The following MYOF variants were observed in gnomAD, a reference collection of about 807,000 sequenced individuals.
The protein encoded by MYOF is fer-1-like 3, myoferlin.
In MYOF, 244 loss-of-function variants were observed where a neutral mutation model predicts 284.2. That is an observed-to-expected ratio of 0.86 (90% CI 0.77 to 0.95). MYOF has a LOEUF of 0.95. MYOF is among the 40% of genes least tolerant of loss of function. The probability of loss-of-function intolerance (pLI) is 0.00; values close to 1 mark genes in which losing one functional copy is unlikely to be tolerated. For missense variants in MYOF, 2,496 were observed against 2,560.6 expected (o/e 0.97, Z 0.54); for synonymous variants, 904 against 919.7 (o/e 0.98, Z 0.31).
intron 1 of MYOF, among the ~76,000 whole-genome samples, chr10:93,461,420 G>A (rs80008569): frequency 1.2e-4 from 19 of 152,306 alleles, no homozygotes; most frequent in Admixed American, 4.6e-4. Context: ...GTGGCTATAC[G>A]GGACTGATAG....
chr10:93,413,715 G>A (rs779579938), intron 5 of MYOF, among the ~76,000 whole-genome samples: 3 of 152,202 alleles, frequency 2.0e-5, no homozygotes, highest in Admixed American at 6.5e-5. Context: ...CTGGCTAGGC[G>A]CAGGGGCTCA....
At chr10:93,452,417 A>G (rs1310008980) in intron 2 of MYOF, among the ~76,000 whole-genome samples, 2 of 151,888 alleles carry the variant, frequency 1.3e-5, no homozygotes, top group Admixed American at 1.3e-4. Context: ...CCTGCTTCAT[A>G]CTCAAGAGCT....
chr10:93,374,397 T>A (rs1845740886), intron 23 of MYOF, among the ~76,000 whole-genome samples: 1 of 152,212 alleles, frequency 6.6e-6, no homozygotes, highest in African/African-American at 2.4e-5. Context: ...CCCAATGTTA[T>A]ACATGGTAGA....
At chr10:93,323,506 A>C in intron 46 of MYOF, 148 bp from the exon 47 acceptor site, 1 of 704,378 alleles carries the variant, frequency 1.4e-6, no homozygotes, top group Non-Finnish European at 2.3e-6. Flanking sequence ...AGTGGAAGAG[A>C]GCAAACCAAG....
At chr10:93,366,314 C>A in intron 26 of MYOF, 78 bp downstream of exon 26, 1 of 1,434,520 alleles carries the variant, frequency 7.0e-7, no homozygotes, top group East Asian at 2.3e-5. Context: ...AAGATGATGA[C>A]GGAGATATAA....
chr10:93,440,919 C>A (rs2056228832), intron 3 of MYOF, among the ~76,000 whole-genome samples: 1 of 152,194 alleles, frequency 6.6e-6, no homozygotes, highest in Non-Finnish European at 1.5e-5. Context: ...AATCTGCCTT[C>A]CAAAAAGTGC....
intron 1 of MYOF, chr10:93,478,208 AATC>A (rs1251731884): frequency 2.9e-6 from 1 of 347,672 alleles, no homozygotes; most frequent in Non-Finnish European, 5.8e-6. Flanking sequence ...TGTTTGGAAG[AATC>A]ATCAAGTCTC....
intron 3 of MYOF, among the ~76,000 whole-genome samples, chr10:93,438,616 C>A (rs1037190944): frequency 1.3e-5 from 2 of 151,980 alleles, no homozygotes; most frequent in Non-Finnish European, 2.9e-5. Context: ...CCCAGGAAGT[C>A]CGAGAAACAA....
intron 47 of MYOF, 46 bp downstream of exon 47, chr10:93,323,224 T>A (rs771790444): frequency 6.2e-7 from 1 of 1,613,168 alleles, no homozygotes; most frequent in East Asian, 2.2e-5. Context: ...CTGGACCAAG[T>A]CCCCAGCCCA....
At position 93,384,262 on chromosome 10, in the gene MYOF, G is replaced by A. The variant is rs1277568797; in HGVS notation, c.1699-2866C>T. ...CTCTCTGCCCTCAGGGCACAAAGAG[G>A]TAGAGAGAGGAAGGAACAATAAACA... On this transcript the variant is annotated intron_variant, in intron 19 of 53. Coordinates refer to ENST00000359263, the MANE Select transcript of MYOF (RefSeq NM_013451.4). Among the ~76,000 whole-genome samples, 9 of 152,190 alleles carry A rather than the reference G, an allele frequency of 5.9e-5. No homozygotes were observed. In the East Asian group the frequency reaches 1.7e-3, roughly 29 times the overall value.
intron 38 of MYOF, among the ~76,000 whole-genome samples, chr10:93,341,462 A>G (rs568294425): frequency 1.3e-5 from 2 of 152,262 alleles, no homozygotes; most frequent in East Asian, 1.9e-4. Context: ...TTTTTAGTAG[A>G]GACGGGGTTT....
chr10:93,345,931 G>A (rs914257080), intron 37 of MYOF, among the ~76,000 whole-genome samples: 7 of 152,146 alleles, frequency 4.6e-5, no homozygotes, highest in African/African-American at 7.2e-5. Context: ...ACAGGTCCAC[G>A]TAAGTGATTC....
At chr10:93,388,618 G>A (rs1181136610) in intron 18 of MYOF, among the ~76,000 whole-genome samples, 3 of 152,198 alleles carry the variant, frequency 2.0e-5, no homozygotes, top group Non-Finnish European at 4.4e-5. Flanking sequence ...GGCTTCTGTT[G>A]TGGTAAAAAG....
intron 1 of MYOF, among the ~76,000 whole-genome samples, chr10:93,462,693 G>T (rs1323440736): frequency 6.7e-5 from 10 of 150,116 alleles, no homozygotes; most frequent in African/African-American, 2.5e-4. Context: ...ATGTGTATAT[G>T]TTACATTTTA....
At chr10:93,316,692 A>G in intron 50 of MYOF, 22 bp downstream of exon 50, 2 of 1,568,352 alleles carry the variant, frequency 1.3e-6, no homozygotes, top group East Asian at 4.5e-5. Flanking sequence ...CTTAGAAACA[A>G]TGATCCAAAT....
chr10:93,396,937 G>A (rs956242666), intron 15 of MYOF, among the ~76,000 whole-genome samples: 1 of 152,124 alleles, frequency 6.6e-6, no homozygotes, highest in African/African-American at 2.4e-5. Context: ...CCCAAGAAAT[G>A]CTTGACTGTA....
At chr10:93,404,128 G>A in intron 8 of MYOF, 29 bp downstream of exon 8, 1 of 1,613,848 alleles carries the variant, frequency 6.2e-7, no homozygotes. Context: ...CAGTGAGTGA[G>A]CAGTACCTTC....
chr10:93,443,396 C>G (rs2056329764), intron 3 of MYOF, among the ~76,000 whole-genome samples: 1 of 152,084 alleles, frequency 6.6e-6, no homozygotes, highest in African/African-American at 2.4e-5. Flanking sequence ...GGGGAATTCT[C>G]TGCAAGTCTC....
chr10:93,313,688 G>A (rs186137782), intron 50 of MYOF, among the ~76,000 whole-genome samples: 19 of 152,108 alleles, frequency 1.2e-4, no homozygotes, highest in African/African-American at 4.3e-4. Context: ...ATCACTTGAG[G>A]TCAGGAGTTC....
Sources: gnomAD v4.1 joint callset for allele counts (sites outside exome capture counted in the v4.1 genomes callset) on GRCh38, gnomAD v4.1.1 for gene constraint, MANE v1.5 for transcripts, NCBI Gene and HGNC (gene_info 2026-07-23, HGNC 2026-07-21) for gene names.